Variants in PXDNL observed in about 807,000 individuals in gnomAD.
PXDNL encodes the protein probable oxidoreductase PXDNL.
PXDNL carries 145 observed loss-of-function variants against 150.8 expected under a neutral mutation model. The ratio of observed to expected loss-of-function variants is 0.96; its 90% CI spans 0.84 to 1.10. The LOEUF is 1.10. PXDNL is among the 50% of genes least tolerant of loss of function. The pLI, the probability that PXDNL is intolerant of heterozygous loss-of-function variation, is 0.00. For synonymous variants in PXDNL, 757 were observed against 725.7 expected (o/e 1.04, Z -0.69); for missense variants, 2,087 against 1,873.9 (o/e 1.11, Z -2.10).
intron 4 of PXDNL, among the ~76,000 whole-genome samples, chr8:51,516,857 G>C (rs1811552013): frequency 6.6e-6 from 1 of 152,134 alleles, no homozygotes; most frequent in Admixed American, 6.5e-5. Context: ...ATGCCTCTGA[G>C]GTCCTACTTC....
intron 1 of PXDNL, among the ~76,000 whole-genome samples, chr8:51,682,184 A>G (rs1188849052): frequency 6.6e-6 from 1 of 152,186 alleles, no homozygotes; most frequent in Non-Finnish European, 1.5e-5. Context: ...TGCATGGAAT[A>G]TTTTAAATAT....
chr8:51,746,158 A>G (rs1445248245), intron 1 of PXDNL, among the ~76,000 whole-genome samples: 1 of 152,218 alleles, frequency 6.6e-6, no homozygotes, highest in Non-Finnish European at 1.5e-5. Flanking sequence ...TGTAGCCATC[A>G]TCTCTAGATT....
At chr8:51,646,370 T>G (rs1814918999) in intron 2 of PXDNL, among the ~76,000 whole-genome samples, 1 of 152,198 alleles carries the variant, frequency 6.6e-6, no homozygotes, top group East Asian at 1.9e-4. Flanking sequence ...ACTTCTGTTT[T>G]TAAAGCCACC....
At chr8:51,387,643 A>G (rs978097304) in intron 17 of PXDNL, among the ~76,000 whole-genome samples, 2 of 152,212 alleles carry the variant, frequency 1.3e-5, no homozygotes, top group African/African-American at 4.8e-5. Flanking sequence ...AAGTAGATAT[A>G]ATACATATTT....
intron 1 of PXDNL, among the ~76,000 whole-genome samples, chr8:51,663,337 A>G (rs1176750034): frequency 6.6e-6 from 1 of 152,112 alleles, no homozygotes; most frequent in Admixed American, 6.5e-5. Flanking sequence ...CCATCTCCTG[A>G]TTTCCTTGTT....
chr8:51,729,163 A>G (rs776013311), intron 1 of PXDNL, among the ~76,000 whole-genome samples: 2 of 152,350 alleles, frequency 1.3e-5, no homozygotes, highest in East Asian at 3.9e-4. Context: ...GTAACACATA[A>G]CTTAAACTAG....
At chr8:51,501,624 ACACT>A (rs1396590284) in intron 4 of PXDNL, among the ~76,000 whole-genome samples, 1 of 152,090 alleles carries the variant, frequency 6.6e-6, no homozygotes, top group African/African-American at 2.4e-5. Context: ...TGTCATGCTC[ACACT>A]CACACTGTCT....
chr8:51,693,480 A>T (rs897669579), intron 1 of PXDNL, among the ~76,000 whole-genome samples: 2 of 152,214 alleles, frequency 1.3e-5, no homozygotes, highest in Non-Finnish European at 2.9e-5. Context: ...CAATCTTTCA[A>T]ATTTGAAACA....
At chr8:51,667,786 A>G (rs1815416191) in intron 1 of PXDNL, among the ~76,000 whole-genome samples, 1 of 152,194 alleles carries the variant, frequency 6.6e-6, no homozygotes, top group Admixed American at 6.5e-5. Context: ...TGCTTTTTCT[A>G]AATCTGTTTG....
chr8:51,592,727 C>T (rs989367020), intron 2 of PXDNL, 29 bp from the exon 3 acceptor site: 5 of 1,483,922 alleles, frequency 3.4e-6, no homozygotes, highest in Non-Finnish European at 4.6e-6. Flanking sequence ...ACAAATAATT[C>T]CCAAATGAGA....
intron 1 of PXDNL, among the ~76,000 whole-genome samples, chr8:51,744,732 G>GAGAAAAAGA (rs2036957471): frequency 6.7e-4 from 1 of 1,498 alleles, no homozygotes; most frequent in Non-Finnish European, 1.8e-3. Context: ...AAAAAGAAAA[G>GAGAAAAAGA]AAAGAAAGAG....
rs1421321703 is a variant in PXDNL at position 51,411,367 on chromosome 8, A to G, written c.1945T>C (p.Tyr649His). 2 of 1,576,736 alleles carry G rather than the reference A, an allele frequency of 1.3e-6. No homozygotes were observed. Among genetic ancestry groups the G allele is most frequent in the Non-Finnish European group, 1.7e-6 (2 of 1,166,732 alleles). Residue 649 changes from tyrosine to histidine, a missense_variant, in exon 16 of 23, where the codon TAC (tyrosine) becomes CAC (histidine). Tyr to His is a moderately conservative substitution (Grantham distance 83). Transcript: ENST00000356297. ...TSSDLLAQFH[Y>H]PRDPLIVEMA... ...TCCACAATCAGTGGGTCACGCGGGT[A>G]ATGAAATTGAGCCAGCAGGTCACTG...
chr8:51,807,725 T>C, intron 1 of PXDNL, among the ~76,000 whole-genome samples: 1 of 152,224 alleles, frequency 6.6e-6, no homozygotes, highest in East Asian at 1.9e-4. Flanking sequence ...TTCTGCTCAT[T>C]ACATTTAGAG....
At chr8:51,698,851 C>G (rs1816195449) in intron 1 of PXDNL, among the ~76,000 whole-genome samples, 1 of 152,200 alleles carries the variant, frequency 6.6e-6, no homozygotes. Context: ...AGCATGAAAC[C>G]ATTAATCTCC....
At chr8:51,771,821 T>G (rs919727040) in intron 1 of PXDNL, among the ~76,000 whole-genome samples, 1 of 152,166 alleles carries the variant, frequency 6.6e-6, no homozygotes, top group African/African-American at 2.4e-5. Flanking sequence ...GTGCTGCCTG[T>G]GGGTGGCAAG....
intron 1 of PXDNL, among the ~76,000 whole-genome samples, chr8:51,664,150 G>A (rs1026096226): frequency 2.6e-5 from 4 of 152,002 alleles, no homozygotes; most frequent in African/African-American, 4.8e-5. Flanking sequence ...TCTGAACAGC[G>A]TCATTGGGTC....
At chr8:51,399,809 C>T (rs957426731) in intron 17 of PXDNL, among the ~76,000 whole-genome samples, 7 of 152,108 alleles carry the variant, frequency 4.6e-5, no homozygotes, top group African/African-American at 1.7e-4. Context: ...CATTAAATTG[C>T]ATTCAGATGT....
intron 1 of PXDNL, among the ~76,000 whole-genome samples, chr8:51,743,877 T>C (rs993427203): frequency 2.0e-5 from 2 of 98,390 alleles, no homozygotes; most frequent in African/African-American, 6.5e-5. Flanking sequence ...GGAATAAATG[T>C]TGGAACCTCT....
intron 4 of PXDNL, among the ~76,000 whole-genome samples, chr8:51,514,419 C>A (rs1481781075): frequency 1.3e-5 from 2 of 152,114 alleles, no homozygotes; most frequent in Admixed American, 1.3e-4. Flanking sequence ...TATACGGAAC[C>A]ATCCCTGGAT....
Sources: allele counts gnomAD v4.1 joint callset (sites outside exome capture counted in the v4.1 genomes callset), GRCh38; gene constraint gnomAD v4.1.1; transcripts MANE v1.5; gene names NCBI Gene and HGNC (gene_info 2026-07-23, HGNC 2026-07-21).